ADGRL2: variants seen among roughly 807,000 people sequenced by gnomAD.
The protein encoded by ADGRL2 is adhesion G protein-coupled receptor L2, also known as calcium-independent alpha-latrotoxin receptor 2.
In ADGRL2, 44 loss-of-function variants were observed where a neutral mutation model predicts 157.4. That is an observed-to-expected ratio of 0.28 (90% CI 0.22 to 0.36). The LOEUF is 0.36. Among genes scored for constraint, ADGRL2 ranks in the 10% least tolerant of loss-of-function variants. The pLI is 1.00. For missense variants in ADGRL2, 1,510 were observed against 1,768.9 expected (o/e 0.85, Z 2.63); for synonymous variants, 585 against 624.7 (o/e 0.94, Z 0.95).
intron 1 of ADGRL2, among the ~76,000 whole-genome samples, chr1:81,716,906 T>C (rs1223851632): frequency 6.6e-6 from 1 of 152,154 alleles, no homozygotes; most frequent in Admixed American, 6.5e-5. Context: ...TTCAAAGAAA[T>C]AAAGTGCTGT....
intron 3 of ADGRL2, among the ~76,000 whole-genome samples, chr1:81,693,937 T>C (rs1424544851): frequency 1.3e-5 from 2 of 152,178 alleles, no homozygotes; most frequent in East Asian, 1.9e-4. Flanking sequence ...TAAGCAGATA[T>C]GTAAATACAT....
At position 81,966,535 on chromosome 1, in the gene ADGRL2, T is replaced by G; in HGVS notation, c.2275T>G (p.Ser759Ala). The G allele has an allele frequency of 6.2e-7, 1 of 1,614,100 alleles. No individual in the cohort carries two copies. The highest frequency in any genetic ancestry group is 8.5e-7 in the Non-Finnish European group (1 of 1,179,982). The change falls in exon 13 of 24, where the codon TCA (serine) becomes GCA (alanine). Residue 759 changes from serine to alanine, a missense_variant. By Grantham distance (99) the Ser-to-Ala change is moderately conservative (BLOSUM62 1). Transcript: ENST00000686636. The stretch of plus-strand genomic sequence containing the variant: ...CATTGCAGTGAACTCTCACGTCATT[T>G]CAGTTTCAATCAATAAAGAGTCCAG... ...STIAVNSHVI[S>A]VSINKESSRV...
chr1:81,454,669 A>C (rs1557700712), intron 2 of ADGRL2, among the ~76,000 whole-genome samples: 1 of 152,168 alleles, frequency 6.6e-6, no homozygotes, highest in Non-Finnish European at 1.5e-5. Flanking sequence ...GAGCAATGCA[A>C]GAACATGGCA....
chr1:81,779,682 T>C (rs1241844380), intron 2 of ADGRL2, among the ~76,000 whole-genome samples: 1 of 152,202 alleles, frequency 6.6e-6, no homozygotes, highest in Non-Finnish European at 1.5e-5. Context: ...GTTTCTTTAG[T>C]TTCCTCCCCA....
At chr1:81,958,547 G>A (rs1364198832) in intron 11 of ADGRL2, among the ~76,000 whole-genome samples, 1 of 151,960 alleles carries the variant, frequency 6.6e-6, no homozygotes, top group African/African-American at 2.4e-5. Flanking sequence ...TAACTTCATA[G>A]CATGATTTAC....
At chr1:81,928,563 T>C (rs546957113) in intron 3 of ADGRL2, among the ~76,000 whole-genome samples, 1 of 152,220 alleles carries the variant, frequency 6.6e-6, no homozygotes, top group African/African-American at 2.4e-5. Flanking sequence ...TTCTAAATTT[T>C]TAAAACTTGT....
chr1:81,404,473 A>G (rs1019123587), intron 1 of ADGRL2, among the ~76,000 whole-genome samples: 5 of 152,180 alleles, frequency 3.3e-5, no homozygotes, highest in Non-Finnish European at 7.3e-5. Flanking sequence ...ATCACATTTT[A>G]TATATGAGGA....
chr1:81,382,778 T>C (rs549011594), intron 1 of ADGRL2, among the ~76,000 whole-genome samples: 1 of 152,180 alleles, frequency 6.6e-6, no homozygotes, highest in African/African-American at 2.4e-5. Context: ...TTACTAGGAG[T>C]AATAGAAAAT....
Position 81,966,543 on chromosome 1 carries a change from A to T in ADGRL2, c.2283A>T (p.Ser761=). The T allele has an allele frequency of 1.9e-6, 3 of 1,614,086 alleles. No homozygotes were observed. Among genetic ancestry groups the T allele is most frequent in the Non-Finnish European group, 2.5e-6 (3 of 1,179,982 alleles). ...IAVNSHVISV[S]INKESSRVYL... ...TGAACTCTCACGTCATTTCAGTTTC[A>T]ATCAATAAAGAGTCCAGCCGAGTAT... Residue 761 remains serine, a synonymous_variant, in exon 13 of 24, where the codon TCA becomes TCT. Coordinates refer to ENST00000686636, the MANE Select transcript of ADGRL2 (RefSeq NM_001366006.2).
intron 1 of ADGRL2, among the ~76,000 whole-genome samples, chr1:81,321,853 A>C (rs183421492): frequency 1.3e-5 from 2 of 152,036 alleles, no homozygotes; most frequent in African/African-American, 4.8e-5. Context: ...AATGATGCCA[A>C]TAGACTTGCT....
intron 2 of ADGRL2, among the ~76,000 whole-genome samples, chr1:81,508,757 G>A (rs1350032280): frequency 6.6e-6 from 1 of 152,126 alleles, no homozygotes; most frequent in East Asian, 1.9e-4. Flanking sequence ...CGAGGGTACC[G>A]CCATCTCATA....
intron 1 of ADGRL2, among the ~76,000 whole-genome samples, chr1:81,391,235 A>G (rs1288716651): frequency 1.3e-5 from 2 of 152,310 alleles, no homozygotes; most frequent in African/African-American, 4.8e-5. Flanking sequence ...TTGATATAGG[A>G]GTGACATGTG....
At chr1:81,788,907 GA>G (rs921850858) in intron 2 of ADGRL2, among the ~76,000 whole-genome samples, 28 of 152,088 alleles carry the variant, frequency 1.8e-4, no homozygotes, top group African/African-American at 6.0e-4. Context: ...TAGTAGAGAC[GA>G]GGTTTCACTG....
chr1:81,326,672 T>C (rs1264447139), intron 1 of ADGRL2, among the ~76,000 whole-genome samples: 1 of 152,196 alleles, frequency 6.6e-6, no homozygotes, highest in Non-Finnish European at 1.5e-5. Context: ...TTAATGAAGA[T>C]GTGAACAACA....
chr1:81,432,152 A>G (rs1427625783), intron 1 of ADGRL2, among the ~76,000 whole-genome samples: 3 of 152,216 alleles, frequency 2.0e-5, no homozygotes, highest in Admixed American at 1.3e-4. Flanking sequence ...CATGTATTTG[A>G]AATTCCTCTG....
chr1:81,797,205 T>C (rs897669942), upstream of ADGRL2, among the ~76,000 whole-genome samples: 4 of 152,232 alleles, frequency 2.6e-5, no homozygotes, highest in African/African-American at 9.6e-5. Context: ...GGATATAATC[T>C]AGCTAATTTT....
chr1:81,427,009 G>A, intron 1 of ADGRL2: 1 of 993,712 alleles, frequency 1.0e-6, no homozygotes, highest in Non-Finnish European at 1.6e-6. Context: ...TTGTTATTCA[G>A]AAATACCACA....
chr1:81,966,683 T>C (rs1657147394), intron 13 of ADGRL2, 74 bp downstream of exon 13: 19 of 1,296,560 alleles, frequency 1.5e-5, no homozygotes, highest in Non-Finnish European at 3.3e-6. Context: ...ACTGAGGTGC[T>C]GGGGATGGGG....
intron 2 of ADGRL2, among the ~76,000 whole-genome samples, chr1:81,571,936 A>C (rs1261796447): frequency 6.6e-6 from 1 of 152,208 alleles, no homozygotes; most frequent in Non-Finnish European, 1.5e-5. Flanking sequence ...CAAGCTTTTC[A>C]GGCCAACTTG....
Sources: allele counts gnomAD v4.1 joint callset (sites outside exome capture counted in the v4.1 genomes callset), GRCh38; gene constraint gnomAD v4.1.1; transcripts MANE v1.5; gene names NCBI Gene and HGNC (gene_info 2026-07-23, HGNC 2026-07-21).